AGFG1: variants seen among roughly 807,000 people sequenced by gnomAD.
AGFG1 encodes arf-GAP domain and FG repeat-containing protein 1.
Under a neutral mutation model 60.6 loss-of-function variants are expected in AGFG1, and 10 were observed. The observed-to-expected ratio is 0.16, with a 90% confidence interval of 0.10 to 0.28. The LOEUF (loss-of-function observed/expected upper bound fraction) is 0.28, where lower values mean the gene tolerates loss of function less well. AGFG1 is among the 10% of genes least tolerant of loss of function. The pLI, the probability that AGFG1 is intolerant of heterozygous loss-of-function variation, is 1.00. For missense variants in AGFG1, 537 were observed against 676.5 expected (o/e 0.79, Z 2.29); for synonymous variants, 247 against 242.9 (o/e 1.02, Z -0.16).
At position 227,554,517 on chromosome 2, in the gene AGFG1, G is replaced by C. The variant is rs765886822; in HGVS notation, c.*22G>C. ...ATAGCCTTATATAGACAATTTACTG[G>C]AACGAACTTTTATGTGGTCACATTA... On this transcript the variant is annotated 3_prime_UTR_variant, in exon 13 of 13. Transcript: ENST00000310078. 8 of 1,599,856 alleles carry C rather than the reference G, an allele frequency of 5.0e-6. No homozygotes were observed. The highest frequency in any genetic ancestry group is 6.0e-6 in the Non-Finnish European group (7 of 1,169,792).
intron 2 of AGFG1, among the ~76,000 whole-genome samples, chr2:227,511,904 C>G (rs2106195407): frequency 6.6e-6 from 1 of 152,248 alleles, no homozygotes; most frequent in African/African-American, 2.4e-5. Flanking sequence ...GGAAGACTTT[C>G]TGAGGAGGCC....
At chr2:227,476,923 A>T (rs1378079808) in intron 1 of AGFG1, among the ~76,000 whole-genome samples, 1 of 141,710 alleles carries the variant, frequency 7.1e-6, no homozygotes. Context: ...TTTTTTTGAG[A>T]CATAGTCTCA....
intron 2 of AGFG1, among the ~76,000 whole-genome samples, chr2:227,499,420 A>G (rs2106180095): frequency 6.6e-6 from 1 of 152,194 alleles, no homozygotes; most frequent in African/African-American, 2.4e-5. Flanking sequence ...CAGGCAGATC[A>G]CTTGAGGCCA....
At chr2:227,483,100 C>A (rs540378770) in intron 1 of AGFG1, among the ~76,000 whole-genome samples, 2 of 150,464 alleles carry the variant, frequency 1.3e-5, no homozygotes, top group Admixed American at 6.7e-5. Flanking sequence ...CCAACACTTT[C>A]ATCCAATAGT....
At chr2:227,484,004 T>C (rs1340438514) in intron 1 of AGFG1, among the ~76,000 whole-genome samples, 1 of 152,164 alleles carries the variant, frequency 6.6e-6, no homozygotes, top group Non-Finnish European at 1.5e-5. Flanking sequence ...GCCATGTTGG[T>C]GTGCTGCACC....
At chr2:227,524,679 G>A in intron 4 of AGFG1, 83 bp from the exon 5 acceptor site, 1 of 1,398,362 alleles carries the variant, frequency 7.2e-7, no homozygotes, top group Non-Finnish European at 1.0e-6. Flanking sequence ...ATGTATAAGT[G>A]TGTTTTAAGT....
intron 10 of AGFG1, among the ~76,000 whole-genome samples, chr2:227,545,581 C>T (rs565418690): frequency 2.0e-5 from 3 of 152,320 alleles, no homozygotes; most frequent in African/African-American, 7.2e-5. Context: ...GCTCTGGTTT[C>T]TCCCCATCTT....
chr2:227,509,434 G>A (rs1221019704), intron 2 of AGFG1, among the ~76,000 whole-genome samples: 4 of 151,922 alleles, frequency 2.6e-5, no homozygotes, highest in African/African-American at 4.8e-5. Flanking sequence ...TTGCTATAAA[G>A]GCCATTATTA....
chr2:227,536,912 A>G lies in AGFG1; in HGVS notation c.1297A>G (p.Thr433Ala), dbSNP rs1692331721. ...ATAATTTTTTAAAGCTACGCCTTCCACAAATCCATTTGTTGCTGCTGCTGG... is the reference window on the plus strand; with the variant it reads ...ATAATTTTTTAAAGCTACGCCTTCCGCAAATCCATTTGTTGCTGCTGCTGG... ...VPAPFGATPS[T>A]NPFVAAAGPS... The change falls in exon 10 of 13, where the codon ACA (threonine) becomes GCA (alanine). Residue 433 changes from threonine to alanine, a missense_variant. Around this residue, in one of 4 missense-constraint regions of AGFG1, gnomAD observed 287 missense variants for 343.6 expected, o/e 0.84. Transcript: ENST00000310078. The G allele has an allele frequency of 1.2e-6, 2 of 1,612,386 alleles. No homozygotes were observed. The highest frequency in any genetic ancestry group is 1.7e-6 in the Non-Finnish European group (2 of 1,179,088).
Position 227,557,409 on chromosome 2 carries a change from AG to A in AGFG1, c.*2915del, listed in dbSNP as rs1693005058. On this transcript the variant is annotated 3_prime_UTR_variant, in exon 13 of 13. Transcript: ENST00000310078. ...GCCCCCCTGCACACACACCCACTTTAGTACAGTTCCTGTCAATTGGCAACAT... is the reference window on the plus strand; with the variant it reads ...GCCCCCCTGCACACACACCCACTTTATACAGTTCCTGTCAATTGGCAACAT... 6.6e-6 allele frequency: 1 copy of A among 152,112 alleles called. No individual in the cohort carries two copies. Among genetic ancestry groups the A allele is most frequent in the South Asian group, 2.1e-4 (1 of 4,820 alleles). 9.4% of individuals were successfully genotyped at this position (152,112 alleles called of 1,614,324 possible).
chr2:227,552,146 G>A (rs754001092), intron 11 of AGFG1, 29 bp downstream of exon 11: 1 of 1,613,334 alleles, frequency 6.2e-7, no homozygotes, highest in Non-Finnish European at 8.5e-7. Flanking sequence ...CGAGCTGTAA[G>A]TTCATTTTAT....
intron 2 of AGFG1, among the ~76,000 whole-genome samples, chr2:227,502,383 C>G (rs567977428): frequency 6.6e-6 from 1 of 152,122 alleles, no homozygotes; most frequent in Non-Finnish European, 1.5e-5. Flanking sequence ...TACAGTGACG[C>G]GATCTTGGCT....
In AGFG1 at chr2:227,554,869, G is replaced by A. The variant is rs1481765938; in HGVS notation, c.*374G>A. On this transcript the variant is annotated 3_prime_UTR_variant, in exon 13 of 13. Transcript: ENST00000310078. ...TGTGAGAAATGTTACTGGGGAAATA[G>A]ATCAGCCACTTTTAAGGTGCTGTCA... The A allele has an allele frequency of 6.3e-6, 1 of 158,866 alleles. No homozygotes were observed. The highest frequency in any genetic ancestry group is 1.8e-4 in the East Asian group (1 of 5,518). The allele number at this position is 158,866 out of a possible 1,614,324, so 9.8% of individuals were successfully genotyped here. A position where few individuals can be genotyped will look rare whatever the true frequency, so the allele number is the denominator to read the frequency against.
At chr2:227,554,328 C>G (rs954377299) in intron 12 of AGFG1, 108 bp from the exon 13 acceptor site, 1 of 902,114 alleles carries the variant, frequency 1.1e-6, no homozygotes, top group Non-Finnish European at 1.7e-6. Context: ...AAAAATAATT[C>G]TTAACCAAAA....
chr2:227,476,108 C>A (rs1026502929), intron 1 of AGFG1, among the ~76,000 whole-genome samples: 15 of 151,864 alleles, frequency 9.9e-5, no homozygotes, highest in African/African-American at 3.6e-4. Context: ...GAATGATGTT[C>A]ATTCAGAGTG....
intron 2 of AGFG1, among the ~76,000 whole-genome samples, chr2:227,517,211 C>G (rs1406197958): frequency 6.6e-6 from 1 of 152,138 alleles, no homozygotes; most frequent in Non-Finnish European, 1.5e-5. Flanking sequence ...CTGTCACTTC[C>G]TAAATGACTT....
At chr2:227,497,738 T>G (rs942874020) in intron 2 of AGFG1, among the ~76,000 whole-genome samples, 7,701 of 90,980 alleles carry the variant, frequency 0.085, 1,487 homozygotes, top group Non-Finnish European at 0.094. Context: ...TTGTTTTGTT[T>G]TTTTTTTTTT....
At chr2:227,510,449 A>G (rs1329659973) in intron 2 of AGFG1, among the ~76,000 whole-genome samples, 16 of 152,164 alleles carry the variant, frequency 1.1e-4, no homozygotes, top group Non-Finnish European at 1.9e-4. Flanking sequence ...TGACAAGTAA[A>G]CAAACAAAAA....
At chr2:227,550,632 GT>G (rs1349715453) in intron 10 of AGFG1, among the ~76,000 whole-genome samples, 2 of 151,910 alleles carry the variant, frequency 1.3e-5, no homozygotes, top group African/African-American at 2.4e-5. Context: ...TTTCGCATCA[GT>G]AATAAAAAAG....
Sources: gnomAD v4.1 joint callset for allele counts (sites outside exome capture counted in the v4.1 genomes callset) on GRCh38, gnomAD v4.1.1 for gene constraint, gnomAD v4.1.1 regional missense constraint, MANE v1.5 for transcripts, NCBI Gene and HGNC (gene_info 2026-07-23, HGNC 2026-07-21) for gene names.